Variants in TNFSF15 observed in about 807,000 individuals in gnomAD.
TNFSF15 encodes tumor necrosis factor ligand superfamily member 15.
In TNFSF15, 15 loss-of-function variants were observed where a neutral mutation model predicts 26.4. The ratio of observed to expected loss-of-function variants is 0.57; its 90% CI spans 0.38 to 0.87. TNFSF15 has a LOEUF of 0.87. Ranked by LOEUF, TNFSF15 falls within the 40% of genes least tolerant of loss-of-function variation. The pLI is 0.00. For synonymous variants in TNFSF15, 116 were observed against 115.0 expected, an observed-to-expected ratio of 1.01 and a Z score of -0.06; for missense variants, 290 against 306.1, an observed-to-expected ratio of 0.95 and a Z score of 0.39.
At chr9:114,792,343 G>A (rs1829615772) in intron 3 of TNFSF15, 64 bp downstream of exon 3, 3 of 1,578,516 alleles carry the variant, frequency 1.9e-6, no homozygotes, top group Non-Finnish European at 2.6e-6. Context: ...TTTTGGTAAA[G>A]TGCTGAAAGA....
chr9:114,804,984 C>T (rs1039854565), intron 1 of TNFSF15, among the ~76,000 whole-genome samples: 4 of 152,198 alleles, frequency 2.6e-5, no homozygotes, highest in Non-Finnish European at 1.5e-5. Context: ...ACTGGAAAGA[C>T]TCATTCCTTA....
chr9:114,792,881 C>A (rs145466495), intron 2 of TNFSF15, among the ~76,000 whole-genome samples: 1 of 152,140 alleles, frequency 6.6e-6, no homozygotes, highest in African/African-American at 2.4e-5. Flanking sequence ...TTCCATGGTC[C>A]CTTTAACTAT....
At position 114,790,210 on chromosome 9, in the gene TNFSF15, A is replaced by G. The variant is rs530485691; in HGVS notation, c.*242T>C. 5.0e-5 allele frequency: 20 copies of G among 401,102 alleles called. No homozygotes were observed. Among genetic ancestry groups the G allele is most frequent in the Non-Finnish European group, 8.5e-5 (19 of 224,662 alleles). 24.8% of individuals were successfully genotyped at this position (401,102 alleles called of 1,614,324 possible). On this transcript the variant is annotated 3_prime_UTR_variant, in exon 4 of 4. Transcript: ENST00000374045. ...TGTCTTAATATTTAGAAACTCGCCA[A>G]TCCTCCAACCCATCTTAATAATATA... is the stretch of plus-strand genomic sequence containing the variant.
chr9:114,796,607 C>A (rs1829675720), intron 1 of TNFSF15, among the ~76,000 whole-genome samples: 1 of 152,164 alleles, frequency 6.6e-6, no homozygotes, highest in Non-Finnish European at 1.5e-5. Flanking sequence ...TGAACAGAGT[C>A]TTAGAGGTCC....
chr9:114,785,126 TTACGAATG>T lies in TNFSF15; in HGVS notation c.*5318_*5325del, dbSNP rs1173212722. On this transcript the variant is annotated 3_prime_UTR_variant, in exon 4 of 4. Coordinates refer to ENST00000374045, the MANE Select transcript of TNFSF15 (RefSeq NM_005118.4). ...GACAGATGCTCAAAACAAAAATGATTTACGAATGAAGTTGAAAGACTGCTGGGCTTATT... is the reference window on the plus strand; with the variant it reads ...GACAGATGCTCAAAACAAAAATGATTAAGTTGAAAGACTGCTGGGCTTATT... 15 of 152,296 alleles carry T rather than the reference TTACGAATG, an allele frequency of 9.8e-5. No individual in the cohort carries two copies. Among genetic ancestry groups the T allele is most frequent in the Middle Eastern group, 3.4e-3 (1 of 294 alleles). The allele number at this position is 152,296 out of a possible 1,614,324, so 9.4% of individuals were successfully genotyped here.
At chr9:114,800,763 A>G (rs990603243) in intron 1 of TNFSF15, among the ~76,000 whole-genome samples, 21 of 152,302 alleles carry the variant, frequency 1.4e-4, no homozygotes, top group African/African-American at 5.1e-4. Context: ...CTTGTCTCAA[A>G]ACCTTTAATA....
rs1200290181 is a variant in TNFSF15 at position 114,790,409 on chromosome 9, C to G, written c.*43G>C. 3.3e-6 allele frequency: 5 copies of G among 1,513,844 alleles called. No individual in the cohort carries two copies. The highest frequency in any genetic ancestry group is 4.4e-6 in the Non-Finnish European group (5 of 1,127,862). The allele number at this position is 1,513,844 out of a possible 1,614,324, so 93.8% of individuals were successfully genotyped here. On this transcript the variant is annotated 3_prime_UTR_variant, in exon 4 of 4. Transcript: ENST00000374045. ...ACATTTGAACAAAGAAAATTAGGAA[C>G]TCGGTGGCAGAGGACTTTCATATAA...
intron 3 of TNFSF15, chr9:114,791,816 A>C (rs560144436): frequency 5.9e-6 from 1 of 168,078 alleles, no homozygotes; most frequent in South Asian, 2.1e-4. Flanking sequence ...CTTTGGAAAC[A>C]CCTCCCTGAA....
chr9:114,788,822 T>C lies in TNFSF15; in HGVS notation c.*1630A>G, dbSNP rs953333644. The C allele has an allele frequency of 6.6e-6, 1 of 152,156 alleles. No homozygotes were observed. Among genetic ancestry groups the C allele is most frequent in the East Asian group, 1.9e-4 (1 of 5,190 alleles). The allele number at this position is 152,156 out of a possible 1,614,324, so 9.4% of individuals were successfully genotyped here. On this transcript the variant is annotated 3_prime_UTR_variant, in exon 4 of 4. Coordinates refer to ENST00000374045, the MANE Select transcript of TNFSF15 (RefSeq NM_005118.4). ...GCTTTGCAGACAAGTCAACAAAGGC[T>C]AGGAGAACAGAGCTGCCTCTCCTGC... is the stretch of plus-strand genomic sequence containing the variant.
At chr9:114,802,763 G>A (rs952045836) in intron 1 of TNFSF15, among the ~76,000 whole-genome samples, 3 of 152,128 alleles carry the variant, frequency 2.0e-5, no homozygotes, top group Non-Finnish European at 4.4e-5. Flanking sequence ...TGTGGTAATA[G>A]TTTTCTCCAT....
chr9:114,795,795 G>A (rs116676181), intron 1 of TNFSF15, among the ~76,000 whole-genome samples: 11 of 152,294 alleles, frequency 7.2e-5, no homozygotes, highest in African/African-American at 2.6e-4. Context: ...ATCTGTACAC[G>A]TGTCTGTGAT....
At chr9:114,795,248 A>G (rs1418732060) in intron 1 of TNFSF15, among the ~76,000 whole-genome samples, 1 of 152,162 alleles carries the variant, frequency 6.6e-6, no homozygotes, top group East Asian at 1.9e-4. Flanking sequence ...TTTCGACTCA[A>G]CCCAATCTTC....
intron 1 of TNFSF15, among the ~76,000 whole-genome samples, chr9:114,804,300 G>T (rs557621810): frequency 1.3e-5 from 2 of 152,182 alleles, no homozygotes; most frequent in Non-Finnish European, 2.9e-5. Context: ...CGAGCTTCCC[G>T]TCTAGTGACA....
chr9:114,797,086 C>T (rs1428844276), intron 1 of TNFSF15, among the ~76,000 whole-genome samples: 1 of 152,058 alleles, frequency 6.6e-6, no homozygotes, highest in East Asian at 1.9e-4. Context: ...AGGTACCTGC[C>T]CTGGTTGGCC....
At position 114,805,899 on chromosome 9, in the gene TNFSF15, G is replaced by A; in HGVS notation, c.114C>T (p.Thr38=). 1 of 1,614,130 alleles carries A rather than the reference G, an allele frequency of 6.2e-7. No individual in the cohort carries two copies. The highest frequency in any genetic ancestry group is 1.1e-5 in the South Asian group (1 of 91,072). The change falls in exon 1 of 4, where the codon ACC becomes ACT. Residue 38 remains threonine, a synonymous_variant. Coordinates refer to ENST00000374045, the MANE Select transcript of TNFSF15 (RefSeq NM_005118.4). Reference sequence around the variant, plus strand: ...GGAAGGGGAGCAACACCAGGCAGCAGGTGAGAGCCCAGCGTGCGCTGCTGC... The same window carrying A: ...GGAAGGGGAGCAACACCAGGCAGCAAGTGAGAGCCCAGCGTGCGCTGCTGC... ...ARSSSARWAL[T]CCLVLLPFLA...
chr9:114,804,012 G>A (rs1038639174), intron 1 of TNFSF15, among the ~76,000 whole-genome samples: 6 of 152,278 alleles, frequency 3.9e-5, no homozygotes, highest in Admixed American at 3.3e-4. Context: ...GAGTGAGCCA[G>A]CTGTTTCTTT....
chr9:114,799,959 A>G (rs1172256845), intron 1 of TNFSF15, among the ~76,000 whole-genome samples: 1 of 152,196 alleles, frequency 6.6e-6, no homozygotes, highest in East Asian at 1.9e-4. Flanking sequence ...TCCTGAGGTT[A>G]TAGCAAGGGC....
chr9:114,791,659 T>C (rs576054287), intron 3 of TNFSF15: 1 of 167,296 alleles, frequency 6.0e-6, no homozygotes, highest in East Asian at 1.9e-4. Flanking sequence ...TCCTCTGGAG[T>C]CTCAGAGGTA....
intron 1 of TNFSF15, among the ~76,000 whole-genome samples, chr9:114,797,484 A>G (rs1829686706): frequency 6.6e-6 from 1 of 152,254 alleles, no homozygotes; most frequent in Non-Finnish European, 1.5e-5. Context: ...TCTGTCTATC[A>G]CAGGAGGAAA....
Sources: allele counts gnomAD v4.1 joint callset (sites outside exome capture counted in the v4.1 genomes callset), GRCh38; gene constraint gnomAD v4.1.1; transcripts MANE v1.5; gene names NCBI Gene and HGNC (gene_info 2026-07-23, HGNC 2026-07-21).